The following PTPRN2 variants were observed in gnomAD, a reference collection of about 807,000 sequenced individuals.
PTPRN2 encodes the protein protein tyrosine phosphatase receptor type N2, also known as receptor-type tyrosine-protein phosphatase N2.
A neutral mutation model predicts 118.8 loss-of-function variants in PTPRN2; 74 were observed. The observed-to-expected ratio is 0.62, with a 90% CI of 0.52 to 0.76. The LOEUF (loss-of-function observed/expected upper bound fraction) is 0.76. PTPRN2 is among the 30% of genes least tolerant of loss of function. PTPRN2 has a pLI of 0.00. For missense variants in PTPRN2, 1,481 were observed against 1,394.4 expected, an observed-to-expected ratio of 1.06 and a Z score of -0.99; for synonymous variants, 641 against 608.0, an observed-to-expected ratio of 1.05 and a Z score of -0.80.
chr7:158,422,713 C>G (rs1815359654), intron 2 of PTPRN2, among the ~76,000 whole-genome samples: 1 of 151,686 alleles, frequency 6.6e-6, no homozygotes. Context: ...CGGATGTGGT[C>G]TCAGTCACAC....
chr7:158,551,976 GA>G (rs1347929737), intron 1 of PTPRN2, among the ~76,000 whole-genome samples: 3 of 18,080 alleles, frequency 1.7e-4, no homozygotes, highest in Admixed American at 5.7e-4. Flanking sequence ...ATTGCATCTG[GA>G]GTGGGGCTCT....
intron 3 of PTPRN2, among the ~76,000 whole-genome samples, chr7:158,213,345 T>C (rs1430662083): frequency 1.3e-5 from 2 of 152,154 alleles, no homozygotes; most frequent in East Asian, 3.9e-4. Context: ...AACACACAAA[T>C]ATTTTTTTCA....
intron 12 of PTPRN2, among the ~76,000 whole-genome samples, chr7:157,783,079 C>T (rs1803782081): frequency 1.3e-5 from 2 of 152,146 alleles, no homozygotes; most frequent in South Asian, 2.1e-4. Flanking sequence ...TGGGCTTTTC[C>T]CCCTTTGCTC....
intron 2 of PTPRN2, among the ~76,000 whole-genome samples, chr7:158,402,795 G>A (rs1202268028): frequency 2.0e-5 from 3 of 152,184 alleles, no homozygotes; most frequent in Non-Finnish European, 2.9e-5. Context: ...CTGGTCCCAC[G>A]GTGGAGGGAC....
intron 2 of PTPRN2, among the ~76,000 whole-genome samples, chr7:158,406,043 G>C (rs60203215): frequency 1.6e-5 from 2 of 126,152 alleles, no homozygotes; most frequent in African/African-American, 3.2e-5. Flanking sequence ...TGGCTCATCC[G>C]TGAGACACGT....
intron 11 of PTPRN2, among the ~76,000 whole-genome samples, chr7:158,000,496 C>T (rs1002906155): frequency 4.6e-5 from 7 of 150,852 alleles, no homozygotes; most frequent in African/African-American, 1.7e-4. Flanking sequence ...CTTCCTCCTC[C>T]TCTTTATTTC....
chr7:157,684,730 G>A (rs1397713932), intron 12 of PTPRN2, among the ~76,000 whole-genome samples: 4 of 150,406 alleles, frequency 2.7e-5, no homozygotes, highest in South Asian at 2.1e-4. Flanking sequence ...GCCCCTCCCC[G>A]GGCACAGCCC....
chr7:157,673,459 A>T (rs1012945126), intron 13 of PTPRN2, among the ~76,000 whole-genome samples: 3 of 152,240 alleles, frequency 2.0e-5, no homozygotes, highest in African/African-American at 7.2e-5. Context: ...ATGGAACAGG[A>T]AAAGCCGCTG....
At chr7:158,258,491 A>G (rs1797176909) in intron 3 of PTPRN2, among the ~76,000 whole-genome samples, 1 of 152,190 alleles carries the variant, frequency 6.6e-6, no homozygotes, top group East Asian at 1.9e-4. Context: ...GTGCTTCTCC[A>G]CGGAGGGAGC....
chr7:157,889,889 C>A (rs187290014), intron 12 of PTPRN2, among the ~76,000 whole-genome samples: 285 of 152,312 alleles, frequency 1.9e-3, no homozygotes, highest in Admixed American at 4.1e-3. Flanking sequence ...CACCATCAAC[C>A]CCATAAGAGC....
At chr7:158,409,333 G>A (rs1813841114) in intron 2 of PTPRN2, among the ~76,000 whole-genome samples, 2 of 152,228 alleles carry the variant, frequency 1.3e-5, no homozygotes, top group Admixed American at 6.5e-5. Flanking sequence ...GGAGCAGGCA[G>A]TGAGCAGGCT....
intron 3 of PTPRN2, among the ~76,000 whole-genome samples, chr7:158,257,264 G>C (rs1471772095): frequency 6.6e-6 from 1 of 152,188 alleles, no homozygotes; most frequent in African/African-American, 2.4e-5. Context: ...CGACCCCTCA[G>C]GTTTGATCAC....
intron 2 of PTPRN2, among the ~76,000 whole-genome samples, chr7:158,332,619 T>A (rs62480894): frequency 8.3e-6 from 1 of 120,164 alleles, no homozygotes; most frequent in African/African-American, 3.4e-5. Flanking sequence ...CACCTGCAGA[T>A]GTCACTCACA....
intron 2 of PTPRN2, among the ~76,000 whole-genome samples, chr7:158,322,881 G>C (rs1011395185): frequency 6.6e-6 from 1 of 152,244 alleles, no homozygotes; most frequent in African/African-American, 2.4e-5. Context: ...AGCCCATGGC[G>C]GGTAAACAGA....
rs1808338523 is a variant in PTPRN2, at chr7:157,840,465, TGTGTGGCCAC to T, written c.1788+58198_1788+58207del. On this transcript the variant is annotated intron_variant, in intron 12 of 22. Transcript: ENST00000389418. ...GTGTGACTGTGTGACCGCGTGTGAC[TGTGTGGCCAC>T]GTGTGACTGTGTGACTGTGTGACTG... is the stretch of plus-strand genomic sequence containing the variant. 2.0e-5 allele frequency among the ~76,000 whole-genome samples: 3 copies of T among 151,734 alleles called. No individual in the cohort carries two copies. In the East Asian group the frequency reaches 5.8e-4, roughly 29 times the overall value.
At chr7:157,835,786 C>A (rs553843338) in intron 12 of PTPRN2, among the ~76,000 whole-genome samples, 222 of 152,254 alleles carry the variant, frequency 1.5e-3, no homozygotes, top group Non-Finnish European at 2.6e-3. Flanking sequence ...CAGAAATGAT[C>A]CAGATACATT....
At chr7:158,071,551 TG>T (rs879648471) in intron 11 of PTPRN2, among the ~76,000 whole-genome samples, 9,560 of 114,736 alleles carry the variant, frequency 0.083, 458 homozygotes, top group South Asian at 0.12. Context: ...GAGGTGCTCC[TG>T]GTGGTGGAGG....
chr7:158,165,063 G>GA (rs2150583787), intron 6 of PTPRN2, among the ~76,000 whole-genome samples: 1 of 85,498 alleles, frequency 1.2e-5, no homozygotes, highest in Non-Finnish European at 2.8e-5. Flanking sequence ...AGGCAGTGAA[G>GA]ACCCCTGATA....
intron 13 of PTPRN2, among the ~76,000 whole-genome samples, chr7:157,675,978 G>C (rs1253985940): frequency 6.6e-6 from 1 of 152,160 alleles, no homozygotes; most frequent in Admixed American, 6.5e-5. Context: ...GAAACGGAGG[G>C]GGGTGAAAGC....
Sources: allele counts gnomAD v4.1 joint callset (sites outside exome capture counted in the v4.1 genomes callset), GRCh38; gene constraint gnomAD v4.1.1; transcripts MANE v1.5; gene names NCBI Gene and HGNC (gene_info 2026-07-23, HGNC 2026-07-21).